Variants in TMEM176A observed in about 807,000 individuals in gnomAD.
TMEM176A encodes transmembrane protein 176A.
Under a neutral mutation model 27.9 loss-of-function variants are expected in TMEM176A, and 20 were observed. The observed-to-expected ratio is 0.72, with a 90% CI of 0.50 to 1.04. The LOEUF (loss-of-function observed/expected upper bound fraction) is 1.04, where lower values mean the gene tolerates loss of function less well. TMEM176A is among the 50% of genes least tolerant of loss of function. The pLI is 0.00. For missense variants in TMEM176A, 252 were observed against 289.1 expected (o/e 0.87, Z 0.93); for synonymous variants, 125 against 118.0 (o/e 1.06, Z -0.38).
intron 2 of TMEM176A, chr7:150,801,997 C>G (rs775566215): frequency 1.2e-4 from 71 of 610,334 alleles, no homozygotes; most frequent in Non-Finnish European, 2.0e-4. Context: ...TGGGCCGGCT[C>G]TCCTCTCCTT....
Position 150,804,952 on chromosome 7 carries a change from G to A in TMEM176A, c.*84G>A, listed in dbSNP as rs1008115467. 1.4e-6 allele frequency: 2 copies of A among 1,463,316 alleles called. No individual in the cohort carries two copies. The highest frequency in any genetic ancestry group is 1.7e-5 in the Admixed American group (1 of 59,616). The allele number at this position is 1,463,316 out of a possible 1,614,324, so 90.6% of individuals were successfully genotyped here. ...ACTGCTGGAAGAAGAACCAGACTGA[G>A]GAAAAGAGGCTCTTCAACAGCCCCA... On this transcript the variant is annotated 3_prime_UTR_variant, in exon 7 of 7. Transcript: ENST00000004103.
chr7:150,801,406 G>T lies in TMEM176A; in HGVS notation c.-15-130G>T, dbSNP rs1375032955. 8 of 871,724 alleles carry T rather than the reference G, an allele frequency of 9.2e-6. No homozygotes were observed. The South Asian group carries it at 1.4e-4, about 16-fold the overall frequency. The allele number at this position is 871,724 out of a possible 1,614,324, so 54.0% of individuals were successfully genotyped here. On this transcript the variant is annotated intron_variant, in intron 1 of 6. Transcript: ENST00000004103. ...TCCCCTCGTGAGGGGCCAGGGGTGC[G>T]GCCCTGTGACCAGGACAGCCATTCA...
At chr7:150,800,853 G>A (rs1798755153) in intron 1 of TMEM176A, 25 bp downstream of exon 1, 6 of 942,766 alleles carry the variant, frequency 6.4e-6, no homozygotes, top group Non-Finnish European at 7.6e-6. Context: ...CACTCCCGGC[G>A]GCCCCCGGGC....
chr7:150,801,754 G>T lies in TMEM176A; in HGVS notation c.174+30G>T, dbSNP rs1205367181. On this transcript the variant is annotated intron_variant, in intron 2 of 6. Transcript: ENST00000004103. ...GTGTGACGGCCTGCCTCGTCGGGCG[G>T]CGGGAGGAACTCCCCACCTCCAGCC... 4 of 1,467,800 alleles carry T rather than the reference G, an allele frequency of 2.7e-6. No homozygotes were observed. The East Asian group carries it at 7.4e-5, about 27-fold the overall frequency. The allele number at this position is 1,467,800 out of a possible 1,614,324, so 90.9% of individuals were successfully genotyped here. A position where few individuals can be genotyped will look rare whatever the true frequency, so the allele number is the denominator to read the frequency against.
At chr7:150,804,227 A>G in intron 5 of TMEM176A, 135 bp from the exon 6 acceptor site, 2 of 679,296 alleles carry the variant, frequency 2.9e-6, no homozygotes, top group East Asian at 2.6e-5. Flanking sequence ...CATTGAATGC[A>G]TTGACTTCCC....
intron 5 of TMEM176A, 93 bp from the exon 6 acceptor site, chr7:150,804,269 G>A (rs1166141888): frequency 4.0e-6 from 4 of 1,008,856 alleles, no homozygotes; most frequent in African/African-American, 3.2e-5. Flanking sequence ...AGATAAAGGG[G>A]TAGAGATTTT....
rs373388782 is a variant in TMEM176A at position 150,802,650 on chromosome 7, G to A, written c.285+325G>A. 2.5e-5 allele frequency: 25 copies of A among 998,782 alleles called. No individual in the cohort carries two copies. The African/African-American group carries it at 2.8e-4, about 11-fold the overall frequency. The allele number at this position is 998,782 out of a possible 1,614,324, so 61.9% of individuals were successfully genotyped here. ...TGCATTGAGATGGGGAAGGCAGAGC[G>A]TTCCAGATAGTATGTGGTCCCCCAG... On this transcript the variant is annotated intron_variant, in intron 3 of 6. Transcript: ENST00000004103.
At chr7:150,802,473 A>C in intron 3 of TMEM176A, 148 bp downstream of exon 3, 1 of 776,250 alleles carries the variant, frequency 1.3e-6, no homozygotes, top group Admixed American at 2.4e-5. Context: ...TCAGATGAGC[A>C]AACAGCTGAG....
intron 3 of TMEM176A, 146 bp downstream of exon 3, chr7:150,802,471 G>T: frequency 1.3e-6 from 1 of 775,230 alleles, no homozygotes. Context: ...GTTCAGATGA[G>T]CAAACAGCTG....
At chr7:150,801,467 C>T in intron 1 of TMEM176A, 69 bp from the exon 2 acceptor site, 1 of 1,509,392 alleles carries the variant, frequency 6.6e-7, no homozygotes, top group Non-Finnish European at 8.9e-7. Flanking sequence ...CCCCTGACCT[C>T]CCCAACTCCA....
Position 150,804,822 on chromosome 7 carries a change from A to C in TMEM176A, c.667-5A>C. ...ACGATTGTCTTGCCTTTCCTCTTCC[A>C]TTAGAAAAGAGACCAGAAGGAAATG... On this transcript the variant is annotated splice_region_variant and splice_polypyrimidine_tract_variant and intron_variant, in intron 6 of 6. Transcript: ENST00000004103. 1 of 1,614,150 alleles carries C rather than the reference A, an allele frequency of 6.2e-7. No homozygotes were observed. Among genetic ancestry groups the C allele is most frequent in the Non-Finnish European group, 8.5e-7 (1 of 1,180,024 alleles).
Position 150,804,473 on chromosome 7 carries a change from G to C in TMEM176A, c.666+1G>C, listed in dbSNP as rs778912681. The C allele has an allele frequency of 9.9e-6, 16 of 1,611,326 alleles. No individual in the cohort carries two copies. The Admixed American group carries it at 2.7e-4, about 27-fold the overall frequency. Reference sequence around the variant, plus strand: ...CTGGAGAATGTTCCCAACCAAAGGGGTGAGTCCCTAAGGTGTGTGCCTGTG... The same window carrying C: ...CTGGAGAATGTTCCCAACCAAAGGGCTGAGTCCCTAAGGTGTGTGCCTGTG... On this transcript the variant is annotated splice_donor_variant, in intron 6 of 6. Transcript: ENST00000004103. LOFTEE classifies it high-confidence loss of function.
At chr7:150,803,871 A>C in intron 5 of TMEM176A, 39 bp downstream of exon 5, 1 of 1,597,668 alleles carries the variant, frequency 6.3e-7, no homozygotes, top group Non-Finnish European at 8.6e-7. Flanking sequence ...CAGGTGGGGC[A>C]GGGATGGCCA....
intron 3 of TMEM176A, 46 bp downstream of exon 3, chr7:150,802,371 G>A: frequency 6.5e-7 from 1 of 1,528,426 alleles, no homozygotes; most frequent in Non-Finnish European, 9.1e-7. Flanking sequence ...GAGGGGTGGG[G>A]CATTGCTCTC....
intron 3 of TMEM176A, 81 bp from the exon 4 acceptor site, chr7:150,803,319 A>C (rs1413092923): frequency 1.3e-6 from 2 of 1,492,452 alleles, no homozygotes; most frequent in Non-Finnish European, 1.8e-6. Flanking sequence ...GTGCTGGGGA[A>C]GGGCCTGCAT....
At chr7:150,803,336 T>G in intron 3 of TMEM176A, 64 bp from the exon 4 acceptor site, 1 of 1,510,600 alleles carries the variant, frequency 6.6e-7, no homozygotes, top group Admixed American at 2.3e-5. Context: ...GCATGGAGGC[T>G]CTCTCGTGGG....
chr7:150,802,008 C>G (rs1798810882), intron 2 of TMEM176A: 2 of 614,246 alleles, frequency 3.3e-6, no homozygotes, highest in Non-Finnish European at 5.7e-6. Flanking sequence ...TCCTCTCCTT[C>G]CTTTCCCTTC....
chr7:150,804,958 G>C lies in TMEM176A; in HGVS notation c.*90G>C. 2.1e-6 allele frequency: 3 copies of C among 1,430,616 alleles called. No individual in the cohort carries two copies. Among genetic ancestry groups the C allele is most frequent in the Non-Finnish European group, 3.0e-6 (3 of 1,014,846 alleles). 88.6% of individuals were successfully genotyped at this position (1,430,616 alleles called of 1,614,324 possible). On this transcript the variant is annotated 3_prime_UTR_variant, in exon 7 of 7. Transcript: ENST00000004103. ...GGAAGAAGAACCAGACTGAGGAAAA[G>C]AGGCTCTTCAACAGCCCCAGTTATC... is the stretch of plus-strand genomic sequence containing the variant.
At chr7:150,803,951 G>A (rs1015393527) in intron 5 of TMEM176A, 119 bp downstream of exon 5, 11 of 860,840 alleles carry the variant, frequency 1.3e-5, no homozygotes, top group Middle Eastern at 3.5e-4. Context: ...CCAAGCTTGC[G>A]TATTGTCACC....
Sources: gnomAD v4.1 joint callset for allele counts on GRCh38, gnomAD v4.1.1 for gene constraint, MANE v1.5 for transcripts, NCBI Gene and HGNC (gene_info 2026-07-23, HGNC 2026-07-21) for gene names.